Variants in SPTLC2 observed in about 807,000 individuals in gnomAD.
SPTLC2 encodes serine palmitoyltransferase long chain base subunit 2, also known as serine palmitoyltransferase 2.
In SPTLC2, 21 loss-of-function variants were observed where a neutral mutation model predicts 62.0. The observed-to-expected ratio is 0.34, with a 90% CI of 0.24 to 0.49. The LOEUF (loss-of-function observed/expected upper bound fraction) is 0.49. Among genes scored for constraint, SPTLC2 ranks in the 20% least tolerant of loss-of-function variants. The probability of loss-of-function intolerance (pLI) is 0.99; values close to 1 mark genes in which losing one functional copy is unlikely to be tolerated. For missense variants in SPTLC2, 511 were observed against 713.0 expected, an observed-to-expected ratio of 0.72 and a Z score of 3.23; for synonymous variants, 261 against 261.8, an observed-to-expected ratio of 1.00 and a Z score of 0.03.
chr14:77,558,183 G>T (rs1403362024), intron 6 of SPTLC2, among the ~76,000 whole-genome samples: 1 of 151,970 alleles, frequency 6.6e-6, no homozygotes, highest in Non-Finnish European at 1.5e-5. Flanking sequence ...AAGTAGCTCG[G>T]ATTACCAGCA....
At chr14:77,532,896 T>A (rs1439985078) in intron 9 of SPTLC2, among the ~76,000 whole-genome samples, 1 of 152,118 alleles carries the variant, frequency 6.6e-6, no homozygotes, top group Non-Finnish European at 1.5e-5. Context: ...GAGGATACAA[T>A]GGAGTACAAA....
intron 11 of SPTLC2, 149 bp from the exon 12 acceptor site, chr14:77,512,552 G>A (rs548618992): frequency 8.2e-7 from 1 of 1,226,588 alleles, no homozygotes; most frequent in African/African-American, 1.5e-5. Flanking sequence ...CTACAATACA[G>A]CTGTGGAAGG....
chr14:77,565,271 A>G (rs1384144362), intron 5 of SPTLC2, among the ~76,000 whole-genome samples: 3 of 150,542 alleles, frequency 2.0e-5, no homozygotes, highest in Non-Finnish European at 4.4e-5. Context: ...AAAAAAAAGA[A>G]CACCAAGGTA....
At chr14:77,527,950 G>C (rs1383667388) in intron 9 of SPTLC2, among the ~76,000 whole-genome samples, 1 of 152,150 alleles carries the variant, frequency 6.6e-6, no homozygotes, top group Non-Finnish European at 1.5e-5. Flanking sequence ...AAACATGTTT[G>C]AGCCTGCAGC....
At chr14:77,534,588 T>TACACACACACAC (rs1555373993) in intron 9 of SPTLC2, among the ~76,000 whole-genome samples, 1,870 of 141,178 alleles carry the variant, frequency 0.013, 34 homozygotes, top group Admixed American at 0.046. Flanking sequence ...CATATTTCAG[T>TACACACACACAC]ACACACACAC....
chr14:77,611,918 T>G (rs1248102119), intron 1 of SPTLC2, among the ~76,000 whole-genome samples: 1 of 151,632 alleles, frequency 6.6e-6, no homozygotes, highest in Non-Finnish European at 1.5e-5. Context: ...TAAAAATTAT[T>G]TTTTTAAAAA....
intron 11 of SPTLC2, among the ~76,000 whole-genome samples, chr14:77,514,732 T>C (rs530835267): frequency 6.6e-6 from 1 of 152,364 alleles, no homozygotes; most frequent in East Asian, 1.9e-4. Context: ...GTTGTGCAAC[T>C]TTTGTCACTA....
chr14:77,566,453 T>G (rs114112616), intron 5 of SPTLC2, among the ~76,000 whole-genome samples: 2,509 of 152,298 alleles, frequency 0.016, 69 homozygotes, highest in African/African-American at 0.057. Context: ...TTTAGAATCT[T>G]GCTCAAGGTC....
chr14:77,509,736 A>G lies in SPTLC2; in HGVS notation c.*2548T>C. On this transcript the variant is annotated 3_prime_UTR_variant, in exon 12 of 12. Coordinates refer to ENST00000216484, the MANE Select transcript of SPTLC2 (RefSeq NM_004863.4). Reference sequence around the variant, plus strand: ...CTAGATTTACATTACAGTTTCAAGAAGAGACAACCAACCATGTATAATGTC... The same window carrying G: ...CTAGATTTACATTACAGTTTCAAGAGGAGACAACCAACCATGTATAATGTC... 2 of 396,234 alleles carry G rather than the reference A, an allele frequency of 5.0e-6. No homozygotes were observed. The highest frequency in any genetic ancestry group is 8.9e-6 in the Non-Finnish European group (2 of 225,026). The allele number at this position is 396,234 out of a possible 1,614,324, so 24.5% of individuals were successfully genotyped here.
At chr14:77,514,819 C>T (rs777864944) in intron 11 of SPTLC2, among the ~76,000 whole-genome samples, 82 of 152,222 alleles carry the variant, frequency 5.4e-4, no homozygotes, top group Non-Finnish European at 9.3e-4. Context: ...CCCCTCCTCT[C>T]AGGCTGGCTG....
intron 4 of SPTLC2, among the ~76,000 whole-genome samples, chr14:77,573,291 TA>T (rs2079694349): frequency 6.6e-6 from 1 of 152,086 alleles, no homozygotes; most frequent in African/African-American, 2.4e-5. Flanking sequence ...TGACTATAGT[TA>T]AAAACAATGT....
chr14:77,512,716 T>C (rs886126899), intron 11 of SPTLC2, among the ~76,000 whole-genome samples: 8 of 152,236 alleles, frequency 5.3e-5, no homozygotes, highest in Non-Finnish European at 1.2e-4. Flanking sequence ...CAATTTGTCA[T>C]CTCTCCCTTT....
intron 2 of SPTLC2, among the ~76,000 whole-genome samples, chr14:77,594,699 A>G (rs1440204737): frequency 6.6e-6 from 1 of 152,194 alleles, no homozygotes; most frequent in African/African-American, 2.4e-5. Flanking sequence ...AGATTCTCCC[A>G]AACATTCTTC....
rs113807514 is a variant in SPTLC2, at chr14:77,561,281, G to C, written c.850+1115C>G. Among the ~76,000 whole-genome samples, 23 of 152,184 alleles carry C rather than the reference G, an allele frequency of 1.5e-4. 1 individual carries two copies. The highest frequency in any genetic ancestry group is 5.5e-4 in the African/African-American group (23 of 41,530). On this transcript the variant is annotated intron_variant, in intron 6 of 11. Coordinates refer to ENST00000216484, the MANE Select transcript of SPTLC2 (RefSeq NM_004863.4). ...CACACTGGTATTTAAGAATGAGATA[G>C]AGTTACATGTAATGACAAACAACAA...
chr14:77,574,827 C>T (rs2079704569), intron 4 of SPTLC2, among the ~76,000 whole-genome samples: 2 of 151,188 alleles, frequency 1.3e-5, no homozygotes, highest in Non-Finnish European at 3.0e-5. Context: ...CTACTGGTTG[C>T]CAAGGACTTG....
chr14:77,602,548 CTTT>C (rs60014262), intron 1 of SPTLC2, among the ~76,000 whole-genome samples: 2 of 137,504 alleles, frequency 1.5e-5, no homozygotes, highest in Non-Finnish European at 1.6e-5. Context: ...AGGTTTGTTT[CTTT>C]TTTTTTTTTT....
intron 9 of SPTLC2, among the ~76,000 whole-genome samples, chr14:77,529,624 T>TTTC (rs2079427683): frequency 2.0e-5 from 1 of 50,894 alleles, no homozygotes; most frequent in Non-Finnish European, 4.1e-5. Context: ...TTCTTTCTTT[T>TTTC]TTTTTTTTTT....
chr14:77,528,355 C>T (rs1249424668), intron 9 of SPTLC2, among the ~76,000 whole-genome samples: 1 of 152,122 alleles, frequency 6.6e-6, no homozygotes, highest in Non-Finnish European at 1.5e-5. Context: ...ACTCAGCCTC[C>T]CGAGTAGCTG....
rs1555373703 is a variant in SPTLC2 at position 77,529,620 on chromosome 14, C to CTTTCTTTTTTTTTTTTTTTTT, written c.1304-8040_1304-8039insAAAAAAAAAAAAAAAAAGAAA. ...TTCTAGGAAAGCAATTTCTTTCTTT[C>CTTTCTTTTTTTTTTTTTTTTT]TTTTTTTTTTTTTTTTTTTTTTGAG... On this transcript the variant is annotated intron_variant, in intron 9 of 11. Coordinates refer to ENST00000216484, the MANE Select transcript of SPTLC2 (RefSeq NM_004863.4). Among the ~76,000 whole-genome samples the CTTTCTTTTTTTTTTTTTTTTT allele has an allele frequency of 8.7e-4, 66 of 76,066 alleles. 5 individuals carry two copies. The highest frequency in any genetic ancestry group is 1.5e-3 in the Non-Finnish European group (56 of 36,826). 49.9% of individuals were successfully genotyped at this position (76,066 alleles called of 152,430 possible).
Sources: gnomAD v4.1 joint callset for allele counts (sites outside exome capture counted in the v4.1 genomes callset) on GRCh38, gnomAD v4.1.1 for gene constraint, MANE v1.5 for transcripts, NCBI Gene and HGNC (gene_info 2026-07-23, HGNC 2026-07-21) for gene names.